The following PRDM16 variants were observed in gnomAD, a reference collection of about 807,000 sequenced individuals.
PRDM16 encodes PR/SET domain 16.
A neutral mutation model predicts 110.6 loss-of-function variants in PRDM16; 23 were observed. The ratio of observed to expected loss-of-function variants is 0.21; its 90% CI spans 0.15 to 0.29. The LOEUF is 0.29. Ranked by LOEUF, PRDM16 falls within the 10% of genes least tolerant of loss-of-function variation. PRDM16 has a pLI of 1.00. For synonymous variants in PRDM16, 799 were observed against 781.8 expected, an observed-to-expected ratio of 1.02 and a Z score of -0.37; for missense variants, 1,615 against 1,794.3, an observed-to-expected ratio of 0.90 and a Z score of 1.81.
At chr1:3,146,850 C>T (rs1643673000) in intron 1 of PRDM16, among the ~76,000 whole-genome samples, 2 of 75,258 alleles carry the variant, frequency 2.7e-5, no homozygotes, top group African/African-American at 5.4e-5. Flanking sequence ...CGTGTGTGCT[C>T]AGTGTGGGGT....
chr1:3,085,144 T>C (rs1054173760), intron 1 of PRDM16, among the ~76,000 whole-genome samples: 29 of 152,174 alleles, frequency 1.9e-4, no homozygotes, highest in African/African-American at 5.5e-4. Flanking sequence ...TACTCCGACC[T>C]AGAACGTTCG....
intron 3 of PRDM16, among the ~76,000 whole-genome samples, chr1:3,383,434 A>G (rs895740991): frequency 6.6e-6 from 1 of 152,164 alleles, no homozygotes; most frequent in Non-Finnish European, 1.5e-5. Flanking sequence ...GGAACAGGAA[A>G]GAGACTCGAG....
intron 1 of PRDM16, among the ~76,000 whole-genome samples, chr1:3,145,657 G>A (rs1643634014): frequency 6.6e-6 from 1 of 152,182 alleles, no homozygotes. Flanking sequence ...GGTCCGTACA[G>A]TCAGGACGTG....
At chr1:3,406,322 G>A (rs971782897) in intron 8 of PRDM16, among the ~76,000 whole-genome samples, 8 of 152,116 alleles carry the variant, frequency 5.3e-5, no homozygotes, top group South Asian at 2.1e-4. Flanking sequence ...GATGAGAGGC[G>A]TTCCAGCAAA....
chr1:3,071,005 G>T (rs1490344902), intron 1 of PRDM16, among the ~76,000 whole-genome samples: 2 of 152,250 alleles, frequency 1.3e-5, no homozygotes, highest in African/African-American at 4.8e-5. Context: ...GCGGCGTTGC[G>T]GGCCCTCCGC....
chr1:3,141,910 C>G (rs1643557350), intron 1 of PRDM16, among the ~76,000 whole-genome samples: 1 of 152,248 alleles, frequency 6.6e-6, no homozygotes. Context: ...ATGTGCTGCC[C>G]ACGGTAGGGG....
rs370419122 is a variant in PRDM16 at position 3,123,251 on chromosome 1, G to A, written c.37+53955G>A. 1.4e-4 allele frequency among the ~76,000 whole-genome samples: 22 copies of A among 152,354 alleles called. 1 individual carries two copies. Among genetic ancestry groups the A allele is most frequent in the African/African-American group, 4.3e-4 (18 of 41,586 alleles). ...GCCTTGGTATCAGGTTCCCAGGAAC[G>A]TGTCTGTCTCCATGGCAGAGAGGCC... On this transcript the variant is annotated intron_variant, in intron 1 of 16. Coordinates refer to ENST00000270722, the MANE Select transcript of PRDM16 (RefSeq NM_022114.4).
chr1:3,431,500 T>C (rs1638767933), intron 15 of PRDM16, among the ~76,000 whole-genome samples: 1 of 152,238 alleles, frequency 6.6e-6, no homozygotes. Context: ...CCAGGGCCAC[T>C]TCCCCATGTC....
At chr1:3,140,422 T>C (rs536578302) in intron 1 of PRDM16, among the ~76,000 whole-genome samples, 15 of 152,104 alleles carry the variant, frequency 9.9e-5, no homozygotes, top group Middle Eastern at 6.8e-3. Flanking sequence ...GGTGTTTGCC[T>C]CCGAGAAGGG....
intron 2 of PRDM16, among the ~76,000 whole-genome samples, chr1:3,233,979 TG>T (rs1003658170): frequency 2.0e-5 from 3 of 151,928 alleles, no homozygotes; most frequent in African/African-American, 7.3e-5. Flanking sequence ...TGCTGGAGGA[TG>T]GGCACAGGGC....
At chr1:3,216,510 T>C (rs1639034495) in intron 2 of PRDM16, among the ~76,000 whole-genome samples, 1 of 152,174 alleles carries the variant, frequency 6.6e-6, no homozygotes, top group Non-Finnish European at 1.5e-5. Flanking sequence ...TCTGGTGGGT[T>C]GGTGGGTTTC....
chr1:3,314,305 G>A (rs1331790950), intron 3 of PRDM16, among the ~76,000 whole-genome samples: 2 of 152,162 alleles, frequency 1.3e-5, no homozygotes, highest in Non-Finnish European at 2.9e-5. Flanking sequence ...CTCAACCCTG[G>A]TGTGCCCTAG....
chr1:3,303,635 T>G (rs919648504), intron 3 of PRDM16, among the ~76,000 whole-genome samples: 1 of 152,234 alleles, frequency 6.6e-6, no homozygotes, highest in Non-Finnish European at 1.5e-5. Flanking sequence ...TGAGGAACTG[T>G]CAGACTGTTC....
intron 4 of PRDM16, among the ~76,000 whole-genome samples, chr1:3,393,588 A>C (rs935239186): frequency 3.9e-5 from 6 of 152,210 alleles, no homozygotes; most frequent in South Asian, 2.1e-4. Context: ...CTGGGTCCGC[A>C]GACGCCCGGT....
At chr1:3,336,197 C>T (rs781636818) in intron 3 of PRDM16, among the ~76,000 whole-genome samples, 6 of 152,160 alleles carry the variant, frequency 3.9e-5, no homozygotes, top group South Asian at 4.1e-4. Context: ...GCATATGTAT[C>T]GGTGTGTGTA....
At chr1:3,197,966 C>T (rs1638522391) in intron 2 of PRDM16, among the ~76,000 whole-genome samples, 1 of 152,226 alleles carries the variant, frequency 6.6e-6, no homozygotes, top group African/African-American at 2.4e-5. Flanking sequence ...CAGGAATTCT[C>T]ATGGGCCGGG....
intron 3 of PRDM16, among the ~76,000 whole-genome samples, chr1:3,291,484 C>A (rs1376226516): frequency 6.6e-6 from 1 of 152,232 alleles, no homozygotes; most frequent in Non-Finnish European, 1.5e-5. Flanking sequence ...CATCCGCTGT[C>A]ATCACTGATC....
chr1:3,137,265 C>G (rs1021470516), intron 1 of PRDM16, among the ~76,000 whole-genome samples: 2 of 152,218 alleles, frequency 1.3e-5, no homozygotes, highest in African/African-American at 4.8e-5. Flanking sequence ...CCCACGCTGA[C>G]CTGGCCGCCA....
Position 3,412,159 on chromosome 1 carries a change from GC to G in PRDM16, c.1967del (p.Pro656ArgfsTer28). On this transcript the variant is annotated frameshift_variant, in exon 9 of 17. Coordinates refer to ENST00000270722, the MANE Select transcript of PRDM16 (RefSeq NM_022114.4). LOFTEE classifies it high-confidence loss of function. Reference protein sequence around the residue: ...GQPKFGGGLAPPGAPNSVAEV... With the variant: ...GQPKFGGGLAXPGAPNSVAEV... ...AGCCCAAGTTTGGGGGCGGCTTGGCGCCCCCGGGGGCCCCGAACAGCGTGGC... is the reference window on the plus strand; with the variant it reads ...AGCCCAAGTTTGGGGGCGGCTTGGCGCCCCGGGGGCCCCGAACAGCGTGGC... The G allele has an allele frequency of 6.4e-7, 1 of 1,560,266 alleles. No individual in the cohort carries two copies. Among genetic ancestry groups the G allele is most frequent in the Non-Finnish European group, 8.7e-7 (1 of 1,154,016 alleles).
Sources: allele counts gnomAD v4.1 joint callset (sites outside exome capture counted in the v4.1 genomes callset), GRCh38; gene constraint gnomAD v4.1.1; transcripts MANE v1.5; gene names NCBI Gene and HGNC (gene_info 2026-07-23, HGNC 2026-07-21).